Variants in FABP12 observed in about 807,000 individuals in gnomAD.
The protein encoded by FABP12 is fatty acid binding protein 12.
A neutral mutation model predicts 13.7 loss-of-function variants in FABP12; 19 were observed. That is an observed-to-expected ratio of 1.39 (90% CI 0.97 to 2.04). The LOEUF is 2.04. Among genes scored for constraint, FABP12 ranks in the 30% most tolerant of loss-of-function variants. The pLI is 0.00. For synonymous variants in FABP12, 61 were observed against 57.0 expected (o/e 1.07, Z -0.32); for missense variants, 182 against 164.2 (o/e 1.11, Z -0.59).
chr8:81,559,634 C>CT (rs1809684516), intron 1 of FABP12, among the ~76,000 whole-genome samples: 1 of 152,180 alleles, frequency 6.6e-6, no homozygotes, highest in African/African-American at 2.4e-5. Flanking sequence ...CTACACTTTT[C>CT]TGAGACCTCA....
At chr8:81,575,423 A>G (rs1481684405) in intron 1 of FABP12, among the ~76,000 whole-genome samples, 1 of 152,164 alleles carries the variant, frequency 6.6e-6, no homozygotes, top group Non-Finnish European at 1.5e-5. Flanking sequence ...CAGAATGTGT[A>G]TTCTGCGGTT....
chr8:81,573,349 T>C (rs1403105066), intron 1 of FABP12, among the ~76,000 whole-genome samples: 2 of 152,336 alleles, frequency 1.3e-5, no homozygotes, highest in South Asian at 2.1e-4. Flanking sequence ...TTGGTGACCA[T>C]GGCCTTATAG....
upstream of FABP12, among the ~76,000 whole-genome samples, chr8:81,535,103 A>G (rs1809190880): frequency 6.6e-6 from 1 of 152,212 alleles, no homozygotes; most frequent in Non-Finnish European, 1.5e-5. Context: ...ATAACACATC[A>G]AGCACAGTAG....
At chr8:81,537,410 C>CT (rs962743449), upstream of FABP12, among the ~76,000 whole-genome samples, 329 of 148,690 alleles carry the variant, frequency 2.2e-3, 1 homozygote, top group African/African-American at 6.3e-3. Context: ...AATTCTTCTA[C>CT]TTTTTTTTTT....
chr8:81,562,412 C>A (rs538824919), intron 1 of FABP12, among the ~76,000 whole-genome samples: 1 of 152,116 alleles, frequency 6.6e-6, no homozygotes, highest in Admixed American at 6.6e-5. Context: ...AAAGGGACTT[C>A]GTCTTGTAGC....
At chr8:81,541,118 A>G (rs1809330383) in intron 1 of FABP12, among the ~76,000 whole-genome samples, 1 of 151,180 alleles carries the variant, frequency 6.6e-6, no homozygotes, top group South Asian at 2.1e-4. Flanking sequence ...GTGAGCCGAG[A>G]TCACGCCACT....
At chr8:81,577,564 GC>G (rs1160246372) in intron 1 of FABP12, among the ~76,000 whole-genome samples, 5 of 152,128 alleles carry the variant, frequency 3.3e-5, no homozygotes, top group African/African-American at 1.2e-4. Flanking sequence ...GTCAAGATCA[GC>G]CTGGTCAACA....
intron 1 of FABP12, among the ~76,000 whole-genome samples, chr8:81,578,783 C>T (rs1347732314): frequency 6.9e-6 from 1 of 144,528 alleles, no homozygotes; most frequent in Non-Finnish European, 1.5e-5. Context: ...CGCGCCTGGC[C>T]TATTTAATTT....
At chr8:81,548,669 T>C (rs966950123) in intron 1 of FABP12, among the ~76,000 whole-genome samples, 1 of 152,204 alleles carries the variant, frequency 6.6e-6, no homozygotes, top group South Asian at 2.1e-4. Context: ...CTAGTTCTGA[T>C]GATTACAACA....
intron 1 of FABP12, among the ~76,000 whole-genome samples, chr8:81,559,155 C>G (rs903473146): frequency 6.6e-6 from 1 of 152,196 alleles, no homozygotes; most frequent in Non-Finnish European, 1.5e-5. Flanking sequence ...AGCCACTTAT[C>G]AATGTATTCC....
chr8:81,568,294 A>T (rs1809865355), intron 1 of FABP12, among the ~76,000 whole-genome samples: 1 of 152,198 alleles, frequency 6.6e-6, no homozygotes, highest in Admixed American at 6.5e-5. Flanking sequence ...AAAACCAATA[A>T]TCTGATTTAA....
At chr8:81,571,166 C>G (rs901720674) in intron 1 of FABP12, among the ~76,000 whole-genome samples, 2 of 152,224 alleles carry the variant, frequency 1.3e-5, no homozygotes, top group East Asian at 3.9e-4. Flanking sequence ...TACTTGGGCT[C>G]GGCCTCAACC....
intron 4 of FABP12, chr8:81,525,925 T>A (rs369698016): frequency 1.3e-5 from 2 of 152,186 alleles, no homozygotes; most frequent in East Asian, 3.9e-4. Context: ...AGGCAAGGAA[T>A]CTGAATCTTG....
chr8:81,554,838 G>C (rs940066264), intron 1 of FABP12, among the ~76,000 whole-genome samples: 4 of 152,020 alleles, frequency 2.6e-5, no homozygotes, highest in Non-Finnish European at 4.4e-5. Context: ...AATCTCATAA[G>C]GTTCTAAGAA....
At chr8:81,540,764 A>G (rs544588528) in intron 1 of FABP12, among the ~76,000 whole-genome samples, 1 of 152,360 alleles carries the variant, frequency 6.6e-6, no homozygotes, top group Admixed American at 6.5e-5. Context: ...TTGGTTTTGA[A>G]AAATATACAC....
At chr8:81,552,596 T>C (rs1172842112) in intron 1 of FABP12, among the ~76,000 whole-genome samples, 1 of 152,090 alleles carries the variant, frequency 6.6e-6, no homozygotes, top group African/African-American at 2.4e-5. Flanking sequence ...GTAATGACAA[T>C]GAGGTAAAGA....
At chr8:81,557,962 G>A (rs961831811) in intron 1 of FABP12, among the ~76,000 whole-genome samples, 5 of 152,180 alleles carry the variant, frequency 3.3e-5, no homozygotes, top group African/African-American at 1.2e-4. Context: ...CAGGAAGCCT[G>A]CCCAGGCCCT....
At chr8:81,532,128 T>C (rs970291778) in intron 1 of FABP12, among the ~76,000 whole-genome samples, 1 of 152,196 alleles carries the variant, frequency 6.6e-6, no homozygotes, top group Non-Finnish European at 1.5e-5. Flanking sequence ...TGTCCACTAA[T>C]AACTGTAAGT....
chr8:81,570,759 G>T (rs1018081097), intron 1 of FABP12, among the ~76,000 whole-genome samples: 1 of 152,180 alleles, frequency 6.6e-6, no homozygotes, highest in African/African-American at 2.4e-5. Context: ...CCTCTGCTGT[G>T]CTCTGGCTAA....
Sources: allele counts gnomAD v4.1 joint callset (sites outside exome capture counted in the v4.1 genomes callset), GRCh38; gene constraint gnomAD v4.1.1; transcripts MANE v1.5; gene names NCBI Gene and HGNC (gene_info 2026-07-23, HGNC 2026-07-21).